Variants in MACF1 observed in about 807,000 individuals in gnomAD.
The protein encoded by MACF1 is microtubule actin crosslinking factor 1, also known as microtubule-actin cross-linking factor 1.
Under a neutral mutation model 854.8 loss-of-function variants are expected in MACF1, and 193 were observed. That is an observed-to-expected ratio of 0.23 (90% CI 0.20 to 0.25). The LOEUF (loss-of-function observed/expected upper bound fraction) is 0.25. MACF1 is among the 10% of genes least tolerant of loss of function. The pLI is 1.00. For missense variants in MACF1, 7,722 were observed against 8,929.1 expected, an observed-to-expected ratio of 0.86 and a Z score of 5.45; for synonymous variants, 3,185 against 3,226.7, an observed-to-expected ratio of 0.99 and a Z score of 0.44.
intron 2 of MACF1, among the ~76,000 whole-genome samples, chr1:39,127,170 T>G (rs1245013724): frequency 1.3e-5 from 2 of 152,088 alleles, no homozygotes; most frequent in Non-Finnish European, 2.9e-5. Flanking sequence ...TGCAGTGAGC[T>G]GAGATCACGC....
intron 58 of MACF1, among the ~76,000 whole-genome samples, chr1:39,421,092 C>T (rs1031146788): frequency 2.6e-5 from 4 of 152,120 alleles, no homozygotes; most frequent in African/African-American, 9.7e-5. Context: ...GTCTCAATCT[C>T]CTGACCTCAT....
rs181581121 is a variant in MACF1 at position 39,183,120 on chromosome 1, C to A, written c.221-48062C>A. ...CAGACACAAAAGGCTTGTATGATTC[C>A]ATTTATACCATTTATACATAATAGG... On this transcript the variant is annotated intron_variant, in intron 2 of 93. Transcript: ENST00000361689. 3.1e-3 allele frequency among the ~76,000 whole-genome samples: 477 copies of A among 152,242 alleles called. 2 individuals are homozygous for A. Among genetic ancestry groups the A allele is most frequent in the African/African-American group, 0.011 (460 of 41,534 alleles).
intron 2 of MACF1, among the ~76,000 whole-genome samples, chr1:39,235,253 C>T (rs562250628): frequency 2.4e-4 from 37 of 152,362 alleles, no homozygotes; most frequent in Non-Finnish European, 4.6e-4. Context: ...TCTGCAATCC[C>T]GGCACCTTGG....
Position 39,370,181 on chromosome 1 carries a change from C to T in MACF1, c.13090C>T (p.Leu4364=). ...AGAGTTAGAAAAGCAGATTGAACAC[C>T]TGAAGGTAGGTGAACAAAGGGACTC... is the stretch of plus-strand genomic sequence containing the variant. ...AKELEKQIEH[L]KSLLDDWASK... The change falls in exon 51 of 101, where the codon CTG becomes TTG. Residue 4364 remains leucine (L), a synonymous_variant. Transcript: ENST00000564288. The T allele has an allele frequency of 6.2e-7, 1 of 1,609,780 alleles. No individual in the cohort carries two copies. Among genetic ancestry groups the T allele is most frequent in the South Asian group, 1.1e-5 (1 of 90,304 alleles).
Position 39,361,523 on chromosome 1 carries a change from A to G in MACF1, c.12617A>G (p.Glu4206Gly), listed in dbSNP as rs963472716. 4 of 1,614,086 alleles carry G rather than the reference A, an allele frequency of 2.5e-6. No individual in the cohort carries two copies. In the African/African-American group the frequency reaches 4.0e-5, roughly 16 times the overall value. The change falls in exon 49 of 101, where the codon GAA (glutamate) becomes GGA (glycine). Residue 4206 changes from glutamate (E) to glycine (G), a missense_variant. By Grantham distance (98) the Glu-to-Gly change is moderately conservative. Coordinates refer to ENST00000564288, the MANE Select transcript of MACF1 (RefSeq NM_001394062.1). ...RFEQLCLQQQ[E>G]KESSLKKLLP... Reference sequence around the variant, plus strand: ...GAACAGCTCTGTCTACAGCAGCAAGAAAAGGAGAGCTCCCTAAAGAAGCTT... The same window carrying G: ...GAACAGCTCTGTCTACAGCAGCAAGGAAAGGAGAGCTCCCTAAAGAAGCTT...
At chr1:39,304,591 C>G in intron 23 of MACF1, 1 of 725,078 alleles carries the variant, frequency 1.4e-6, no homozygotes. Flanking sequence ...TGAGACAGAG[C>G]CTTGCTCTGT....
At chr1:39,347,991 T>C (rs1353671255) in intron 41 of MACF1, among the ~76,000 whole-genome samples, 2 of 152,216 alleles carry the variant, frequency 1.3e-5, no homozygotes, top group Non-Finnish European at 2.9e-5. Flanking sequence ...ATTTCTGCTA[T>C]TTGAATAGTA....
At chr1:39,244,512 A>T (rs973007259) in intron 2 of MACF1, among the ~76,000 whole-genome samples, 10 of 150,312 alleles carry the variant, frequency 6.7e-5, no homozygotes, top group Admixed American at 6.6e-4. Flanking sequence ...CGAACTCCTG[A>T]CCTCATGATC....
chr1:39,459,381 A>C, intron 91 of MACF1, 132 bp downstream of exon 91: 1 of 927,064 alleles, frequency 1.1e-6, no homozygotes, highest in Non-Finnish European at 1.6e-6. Flanking sequence ...GACCTATACC[A>C]AGCCAGTACT....
In MACF1 at chr1:39,422,093, AT is replaced by A. The variant is rs530148521; in HGVS notation, c.15817-279del. Among the ~76,000 whole-genome samples, 43 of 152,296 alleles carry A rather than the reference AT, an allele frequency of 2.8e-4. No homozygotes were observed. In the East Asian group the frequency reaches 8.1e-3, roughly 29 times the overall value. ...CTGTCTCCAAAAAAAACAAAAAAAA[AT>A]TAAGCAACAGATTTTAAAAAAAAGA... On this transcript the variant is annotated intron_variant, in intron 58 of 100. Transcript: ENST00000564288.
At chr1:39,131,151 C>CT (rs34762038) in intron 2 of MACF1, among the ~76,000 whole-genome samples, 30,259 of 42,330 alleles carry the variant, frequency 0.71, 13,954 homozygotes, top group South Asian at 0.9. Context: ...TGCGCCCGGC[C>CT]TTTTTTTTTT....
intron 2 of MACF1, among the ~76,000 whole-genome samples, chr1:39,126,337 T>A (rs902656453): frequency 6.6e-6 from 1 of 152,252 alleles, no homozygotes; most frequent in Non-Finnish European, 1.5e-5. Flanking sequence ...TGTGTTCAAA[T>A]GTCCCCTTTT....
chr1:39,153,374 C>T (rs947569642), intron 2 of MACF1, among the ~76,000 whole-genome samples: 1 of 152,152 alleles, frequency 6.6e-6, no homozygotes, highest in Admixed American at 6.6e-5. Context: ...TGCCTTCTCT[C>T]TCAGTTGCTC....
chr1:39,121,504 C>T (rs1467339046), intron 2 of MACF1, among the ~76,000 whole-genome samples: 7 of 152,090 alleles, frequency 4.6e-5, no homozygotes, highest in Non-Finnish European at 7.4e-5. Flanking sequence ...GTCTGGAGTG[C>T]GGTGGCACTA....
At chr1:39,331,028 T>A in intron 36 of MACF1, 175 bp from the exon 37 acceptor site, 1 of 856,048 alleles carries the variant, frequency 1.2e-6, no homozygotes. Context: ...CTCAGACTCC[T>A]GACCTCATGA....
intron 23 of MACF1, among the ~76,000 whole-genome samples, chr1:39,305,215 A>G (rs946139954): frequency 4.7e-5 from 7 of 149,878 alleles, no homozygotes; most frequent in African/African-American, 1.7e-4. Flanking sequence ...GAGCTGAGAT[A>G]GTGCCACTGC....
intron 22 of MACF1, 80 bp downstream of exon 22, chr1:39,300,442 T>C: frequency 2.9e-6 from 4 of 1,363,196 alleles, no homozygotes; most frequent in Non-Finnish European, 2.0e-6. Context: ...GTTATGATGA[T>C]AAAAGATCAA....
intron 66 of MACF1, among the ~76,000 whole-genome samples, chr1:39,431,797 G>A (rs1643878871): frequency 0.013 from 2 of 156 alleles, no homozygotes; most frequent in Non-Finnish European, 0.025. Flanking sequence ...AACATAACAA[G>A]ACACATCTCT....
At chr1:39,215,770 T>C (rs1000726621) in intron 1 of MACF1, among the ~76,000 whole-genome samples, 1 of 152,086 alleles carries the variant, frequency 6.6e-6, no homozygotes, top group Non-Finnish European at 1.5e-5. Context: ...CAGAAGTTGG[T>C]TGGTTACGGA....
Sources: allele counts gnomAD v4.1 joint callset (sites outside exome capture counted in the v4.1 genomes callset), GRCh38; gene constraint gnomAD v4.1.1; transcripts MANE v1.5; gene names NCBI Gene and HGNC (gene_info 2026-07-23, HGNC 2026-07-21).